PLCG2: variants seen among roughly 807,000 people sequenced by gnomAD.
The protein encoded by PLCG2 is phospholipase C gamma 2.
A neutral mutation model predicts 175.6 loss-of-function variants in PLCG2; 69 were observed. The ratio of observed to expected loss-of-function variants is 0.39; its 90% confidence interval spans 0.32 to 0.48. PLCG2 has a LOEUF of 0.48. Ranked by LOEUF, PLCG2 falls within the 20% of genes least tolerant of loss-of-function variation. The probability of loss-of-function intolerance (pLI) is 0.91; values close to 1 mark genes in which losing one functional copy is unlikely to be tolerated. For missense variants in PLCG2, 1,798 were observed against 1,650.9 expected, an observed-to-expected ratio of 1.09 and a Z score of -1.54; for synonymous variants, 827 against 624.0, an observed-to-expected ratio of 1.33 and a Z score of -4.85.
At chr16:81,930,924 A>T (rs942565640) in intron 24 of PLCG2, among the ~76,000 whole-genome samples, 1 of 152,226 alleles carries the variant, frequency 6.6e-6, no homozygotes, top group Non-Finnish European at 1.5e-5. Flanking sequence ...AAATATTTTT[A>T]AAATGAACAT....
In PLCG2 at chr16:81,919,387, C is replaced by T. The variant is rs904641373; in HGVS notation, c.2055-97C>T. The T allele has an allele frequency of 9.0e-6, 8 of 886,408 alleles. No homozygotes were observed. In the African/African-American group the frequency reaches 1.2e-4, roughly 13 times the overall value. 54.9% of individuals were successfully genotyped at this position (886,408 alleles called of 1,614,324 possible). ...TGTTTATTTACCCACTTCTCTAAGG[C>T]TGGATAACTAGGTTGTATCTAATCA... On this transcript the variant is annotated intron_variant, in intron 19 of 32. Coordinates refer to ENST00000564138, the MANE Select transcript of PLCG2 (RefSeq NM_002661.5).
intron 2 of PLCG2, among the ~76,000 whole-genome samples, chr16:81,804,692 T>G (rs766298398): frequency 1.3e-5 from 2 of 151,622 alleles, no homozygotes; most frequent in Non-Finnish European, 2.9e-5. Flanking sequence ...GCCCAGGGAG[T>G]GTATATTTGG....
At chr16:81,739,218 G>A (rs1187440759) in exon 1 of PLCG2, 1 of 151,996 alleles carries the variant, frequency 6.6e-6, no homozygotes, top group Non-Finnish European at 1.5e-5. Context: ...CACAGCCTGG[G>A]GTATTAGTTC....
At chr16:81,921,633 A>C in intron 21 of PLCG2, 1 of 336,310 alleles carries the variant, frequency 3.0e-6, no homozygotes. Flanking sequence ...TGCAAATGCT[A>C]TCTCATATTC....
At chr16:81,825,057 C>A (rs909217751) in intron 2 of PLCG2, among the ~76,000 whole-genome samples, 3 of 152,234 alleles carry the variant, frequency 2.0e-5, no homozygotes, top group Admixed American at 6.5e-5. Flanking sequence ...GGGTGGATTC[C>A]CCCTTGGAGC....
intron 2 of PLCG2, among the ~76,000 whole-genome samples, chr16:81,817,920 G>T (rs190385278): frequency 4.7e-4 from 71 of 152,346 alleles, no homozygotes; most frequent in African/African-American, 1.7e-3. Context: ...GGGAGAAGGG[G>T]GTTAAGTGAA....
At chr16:81,871,526 T>C (rs1368667461) in intron 7 of PLCG2, among the ~76,000 whole-genome samples, 1 of 152,026 alleles carries the variant, frequency 6.6e-6, no homozygotes. Context: ...TTAGTAGAGA[T>C]GGGGTTTTGC....
chr16:81,807,876 C>T (rs1203425052), intron 2 of PLCG2, among the ~76,000 whole-genome samples: 3 of 152,080 alleles, frequency 2.0e-5, no homozygotes, highest in Non-Finnish European at 4.4e-5. Context: ...TACTTTTCAA[C>T]AGCCAGATCT....
At chr16:81,844,404 A>T (rs1906003672) in intron 2 of PLCG2, among the ~76,000 whole-genome samples, 1 of 151,526 alleles carries the variant, frequency 6.6e-6, no homozygotes, top group African/African-American at 2.4e-5. Context: ...CAACCTCTGC[A>T]CCCCCACAAT....
intron 2 of PLCG2, among the ~76,000 whole-genome samples, chr16:81,806,877 T>C (rs1358171774): frequency 6.6e-6 from 1 of 150,980 alleles, no homozygotes; most frequent in Admixed American, 6.6e-5. Context: ...AGCAGGGTGA[T>C]GGGGGCAGAG....
chr16:81,757,584 A>C (rs1055607404), intron 2 of PLCG2, among the ~76,000 whole-genome samples: 3 of 152,082 alleles, frequency 2.0e-5, no homozygotes, highest in Non-Finnish European at 4.4e-5. Context: ...AAAGACAAGA[A>C]AAAAGAAAAA....
At chr16:81,807,915 C>T (rs567846937) in intron 2 of PLCG2, among the ~76,000 whole-genome samples, 2 of 152,290 alleles carry the variant, frequency 1.3e-5, no homozygotes, top group South Asian at 2.1e-4. Flanking sequence ...ATTGCAAGGA[C>T]AGCACCAAGA....
intron 2 of PLCG2, among the ~76,000 whole-genome samples, chr16:81,837,033 C>A (rs985163420): frequency 6.6e-6 from 1 of 152,198 alleles, no homozygotes; most frequent in African/African-American, 2.4e-5. Context: ...CATGGGAAGA[C>A]TCAACATCAG....
intron 2 of PLCG2, among the ~76,000 whole-genome samples, chr16:81,801,963 C>T (rs1911739957): frequency 6.6e-6 from 1 of 151,732 alleles, no homozygotes; most frequent in African/African-American, 2.4e-5. Flanking sequence ...TTACAGGCAT[C>T]AGCCATCACA....
intron 5 of PLCG2, among the ~76,000 whole-genome samples, chr16:81,864,523 G>A (rs1040226588): frequency 1.3e-5 from 2 of 152,134 alleles, no homozygotes; most frequent in African/African-American, 4.8e-5. Context: ...TGTGTGAATT[G>A]GGGTAAATGA....
At chr16:81,874,307 A>T (rs1367914677) in intron 7 of PLCG2, among the ~76,000 whole-genome samples, 3 of 152,054 alleles carry the variant, frequency 2.0e-5, no homozygotes, top group Non-Finnish European at 4.4e-5. Context: ...CTGCTCATTT[A>T]TGTTGCTTAC....
At chr16:81,876,915 C>T (rs570582749) in intron 7 of PLCG2, among the ~76,000 whole-genome samples, 6 of 152,306 alleles carry the variant, frequency 3.9e-5, no homozygotes, top group South Asian at 2.1e-4. Flanking sequence ...TACATATGTA[C>T]GTGTAGTGTG....
At chr16:81,955,966 T>C (rs1233582778) in intron 31 of PLCG2, among the ~76,000 whole-genome samples, 2 of 152,256 alleles carry the variant, frequency 1.3e-5, no homozygotes, top group Non-Finnish European at 2.9e-5. Context: ...CAATGGTTTA[T>C]AGCCTATTAC....
intron 15 of PLCG2, among the ~76,000 whole-genome samples, chr16:81,907,036 CAAAA>C (rs56697259): frequency 4.1e-5 from 4 of 96,730 alleles, no homozygotes; most frequent in East Asian, 2.9e-4. Context: ...GACTCTGTCT[CAAAA>C]AAAAAAAAAA....
Sources: allele counts gnomAD v4.1 joint callset (sites outside exome capture counted in the v4.1 genomes callset), GRCh38; gene constraint gnomAD v4.1.1; transcripts MANE v1.5; gene names NCBI Gene and HGNC (gene_info 2026-07-23, HGNC 2026-07-21).